The following EML6 variants were observed in gnomAD, a reference collection of about 807,000 sequenced individuals.
EML6 encodes EMAP like 6.
A neutral mutation model predicts 240.1 loss-of-function variants in EML6; 154 were observed. The ratio of observed to expected loss-of-function variants is 0.64; its 90% confidence interval spans 0.56 to 0.73. The LOEUF (loss-of-function observed/expected upper bound fraction) is 0.73, where lower values mean the gene tolerates loss of function less well. Ranked by LOEUF, EML6 falls within the 30% of genes least tolerant of loss-of-function variation. The pLI is 0.00. For synonymous variants in EML6, 1,148 were observed against 899.0 expected (o/e 1.28, Z -4.95); for missense variants, 2,964 against 2,474.6 (o/e 1.20, Z -4.20).
At chr2:54,740,354 T>C (rs1045422586) in intron 2 of EML6, among the ~76,000 whole-genome samples, 1 of 152,074 alleles carries the variant, frequency 6.6e-6, no homozygotes, top group Non-Finnish European at 1.5e-5. Flanking sequence ...GGAAGTAGAA[T>C]GCCCTTGAAA....
chr2:54,813,857 G>T (rs1362664498), intron 3 of EML6, among the ~76,000 whole-genome samples: 3 of 152,124 alleles, frequency 2.0e-5, no homozygotes, highest in Non-Finnish European at 4.4e-5. Flanking sequence ...ACTTTTAGCT[G>T]CTTCTACCTG....
chr2:54,918,328 A>T (rs1176230849), intron 26 of EML6, among the ~76,000 whole-genome samples: 2 of 152,168 alleles, frequency 1.3e-5, no homozygotes, highest in Admixed American at 1.3e-4. Flanking sequence ...TCAGTTTTAC[A>T]TTCCATTTAT....
chr2:54,818,998 C>G (rs553244066), intron 4 of EML6, among the ~76,000 whole-genome samples: 1 of 152,228 alleles, frequency 6.6e-6, no homozygotes, highest in African/African-American at 2.4e-5. Flanking sequence ...TATACCTTAT[C>G]TTCATTGACC....
Position 54,928,741 on chromosome 2 carries a change from G to C in EML6, c.3994G>C (p.Val1332Leu), listed in dbSNP as rs779551415. ...KPHQQLKEVSVEERPPVSRAA... is the reference protein window; with the variant it reads ...KPHQQLKEVSLEERPPVSRAA... ...ACACCAGCAGCTGAAGGAAGTTTCCGTGGAAGAAAGGTATGGTGTTGCCAG... is the reference window on the plus strand; with the variant it reads ...ACACCAGCAGCTGAAGGAAGTTTCCCTGGAAGAAAGGTATGGTGTTGCCAG... The change falls in exon 28 of 42, where the codon GTG becomes CTG. Residue 1332 changes from valine to leucine, a missense_variant. Transcript: ENST00000356458. The C allele has an allele frequency of 6.4e-7, 1 of 1,551,736 alleles. No homozygotes were observed. Among genetic ancestry groups the C allele is most frequent in the Non-Finnish European group, 8.7e-7 (1 of 1,147,046 alleles).
chr2:54,929,826 C>T (rs1363424318), intron 28 of EML6, among the ~76,000 whole-genome samples: 1 of 152,058 alleles, frequency 6.6e-6, no homozygotes, highest in Non-Finnish European at 1.5e-5. Context: ...CCTAATTTTT[C>T]CCTAGCATCT....
At chr2:54,814,119 C>T (rs774332773) in intron 3 of EML6, among the ~76,000 whole-genome samples, 3 of 152,194 alleles carry the variant, frequency 2.0e-5, no homozygotes, top group Non-Finnish European at 4.4e-5. Flanking sequence ...ATAAAGTCCA[C>T]ACTTTGTAGG....
At chr2:54,960,414 G>C in intron 35 of EML6, 80 bp downstream of exon 35, 1 of 1,068,740 alleles carries the variant, frequency 9.4e-7, no homozygotes, top group Admixed American at 2.0e-5. Context: ...ACTTTCTCTG[G>C]GCTGGTTTGT....
chr2:54,835,798 G>T (rs1387274131), intron 7 of EML6, among the ~76,000 whole-genome samples: 1 of 152,082 alleles, frequency 6.6e-6, no homozygotes, highest in African/African-American at 2.4e-5. Context: ...TAGAGGCCAG[G>T]GAAGCTGCTA....
intron 2 of EML6, among the ~76,000 whole-genome samples, chr2:54,746,295 G>A (rs759252570): frequency 6.6e-6 from 1 of 152,186 alleles, no homozygotes; most frequent in East Asian, 1.9e-4. Flanking sequence ...AATACTGAAT[G>A]AAGGTGCAGG....
chr2:54,936,241 T>G (rs890857171), intron 28 of EML6, among the ~76,000 whole-genome samples: 1 of 152,378 alleles, frequency 6.6e-6, no homozygotes, highest in Non-Finnish European at 1.5e-5. Flanking sequence ...TTCTTTTTGA[T>G]AATTGATATG....
At chr2:54,871,695 G>T in intron 16 of EML6, 90 bp downstream of exon 16, 1 of 916,282 alleles carries the variant, frequency 1.1e-6, no homozygotes, top group Non-Finnish European at 1.7e-6. Flanking sequence ...GCACGCGTGT[G>T]TGTGTATTTA....
chr2:54,950,901 C>A, intron 30 of EML6, 122 bp downstream of exon 30: 2 of 1,051,526 alleles, frequency 1.9e-6, no homozygotes, highest in Non-Finnish European at 1.4e-6. Flanking sequence ...CCCCCCAATT[C>A]CAGCATGGTC....
rs1362843411 is a variant in EML6 at position 54,903,132 on chromosome 2, T to C, written c.3213T>C (p.Thr1071=). ...GTTTCCTGGTGGTAAATGCTGACAC[T>C]GTTGAAGACATGGTCTCTTTCCATC... ...DGSFLVVNAD[T]VEDMVSFHHR... Residue 1071 remains threonine (T), a synonymous_variant, in exon 23 of 42, where the codon ACT becomes ACC. Coordinates refer to ENST00000356458, the MANE Select transcript of EML6 (RefSeq NM_001039753.4). 2 of 1,551,784 alleles carry C rather than the reference T, an allele frequency of 1.3e-6. No individual in the cohort carries two copies. The highest frequency in any genetic ancestry group is 1.7e-6 in the Non-Finnish European group (2 of 1,146,972).
At position 54,866,900 on chromosome 2, in the gene EML6, T is replaced by TG. The variant is rs1670999577; in HGVS notation, c.2051+19dup. The TG allele has an allele frequency of 2.8e-6, 4 of 1,448,380 alleles. No individual in the cohort carries two copies. The East Asian group carries it at 9.9e-5, about 36-fold the overall frequency. The allele number at this position is 1,448,380 out of a possible 1,614,324, so 89.7% of individuals were successfully genotyped here. On this transcript the variant is annotated intron_variant, in intron 14 of 41. Coordinates refer to ENST00000356458, the MANE Select transcript of EML6 (RefSeq NM_001039753.4). ...TCATACACGGGTGGGTGGCCTGTCA[T>TG]GGGCGCCCGTATGTGTTCCTCTGTC...
At position 54,844,115 on chromosome 2, in the gene EML6, T is replaced by A. The variant is rs1045142730; in HGVS notation, c.916T>A (p.Phe306Ile). The change falls in exon 8 of 42, where the codon TTT becomes ATT. Residue 306 changes from phenylalanine (F) to isoleucine (I), a missense_variant. Transcript: ENST00000356458. ...AGCAGGGACCCAGGACAGTGAGATATTTGAAGTGATTGTGCGAGAGCGAGA... is the reference window on the plus strand; with the variant it reads ...AGCAGGGACCCAGGACAGTGAGATAATTGAAGTGATTGTGCGAGAGCGAGA... ...LLAGTQDSEI[F>I]EVIVRERDKP... 6.4e-7 allele frequency: 1 copy of A among 1,551,620 alleles called. No individual in the cohort carries two copies. Among genetic ancestry groups the A allele is most frequent in the Non-Finnish European group, 8.7e-7 (1 of 1,146,980 alleles).
intron 13 of EML6, 143 bp downstream of exon 13, chr2:54,864,032 A>C (rs1670830400): frequency 3.6e-6 from 2 of 555,560 alleles, no homozygotes; most frequent in South Asian, 5.4e-5. Context: ...TTGTGCCTTT[A>C]AGTGCAGGTT....
rs145932619 is a variant in EML6, at chr2:54,824,670, G to A, written c.526-2896G>A. ...AACGAATGCTTGAAAAACAGTAACA[G>A]TTGAGCATCGGCTGCTTCACTGGTT... On this transcript the variant is annotated intron_variant, in intron 5 of 41. Transcript: ENST00000356458. Among the ~76,000 whole-genome samples the A allele has an allele frequency of 2.6e-5, 4 of 152,288 alleles. No homozygotes were observed. In the East Asian group the frequency reaches 7.7e-4, roughly 29 times the overall value.
intron 32 of EML6, 95 bp from the exon 33 acceptor site, chr2:54,957,695 T>C (rs1676295286): frequency 5.5e-6 from 6 of 1,081,466 alleles, no homozygotes; most frequent in East Asian, 2.6e-5. Flanking sequence ...AGGCATGGCT[T>C]ACGCCTGCTG....
At chr2:54,812,510 T>G (rs1444473472) in intron 2 of EML6, among the ~76,000 whole-genome samples, 1 of 120,284 alleles carries the variant, frequency 8.3e-6, no homozygotes, top group African/African-American at 3.1e-5. Context: ...CACAATGAAT[T>G]TAAAACATTA....
Sources: gnomAD v4.1 joint callset for allele counts (sites outside exome capture counted in the v4.1 genomes callset) on GRCh38, gnomAD v4.1.1 for gene constraint, MANE v1.5 for transcripts, NCBI Gene and HGNC (gene_info 2026-07-23, HGNC 2026-07-21) for gene names.